TRPM3: variants seen among roughly 807,000 people sequenced by gnomAD.
TRPM3 encodes the protein transient receptor potential cation channel subfamily M member 3.
Under a neutral mutation model 181.2 loss-of-function variants are expected in TRPM3, and 77 were observed. The ratio of observed to expected loss-of-function variants is 0.42; its 90% CI spans 0.35 to 0.51. The LOEUF is 0.51. Ranked by LOEUF, TRPM3 falls within the 20% of genes least tolerant of loss-of-function variation. The pLI is 0.01. For missense variants in TRPM3, 1,759 were observed against 2,196.7 expected, an observed-to-expected ratio of 0.80 and a Z score of 3.98; for synonymous variants, 745 against 796.4, an observed-to-expected ratio of 0.94 and a Z score of 1.09.
chr9:70,828,737 T>C (rs1343148112), intron 5 of TRPM3, among the ~76,000 whole-genome samples: 1 of 144,062 alleles, frequency 6.9e-6, no homozygotes, highest in Non-Finnish European at 1.5e-5. Flanking sequence ...CAGCAATACC[T>C]ATTGCGAGCT....
chr9:71,428,238 C>A (rs1309794889), intron 1 of TRPM3, among the ~76,000 whole-genome samples: 1 of 151,400 alleles, frequency 6.6e-6, no homozygotes, highest in Non-Finnish European at 1.5e-5. Flanking sequence ...ATTACAGGCG[C>A]CCGCCACCAT....
chr9:71,136,374 G>A (rs1233820420), intron 1 of TRPM3, among the ~76,000 whole-genome samples: 2 of 152,182 alleles, frequency 1.3e-5, no homozygotes, highest in East Asian at 3.9e-4. Flanking sequence ...ATTCAGCTCT[G>A]ACATCAAACA....
intron 1 of TRPM3, among the ~76,000 whole-genome samples, chr9:71,075,373 G>A (rs2063317567): frequency 6.6e-6 from 1 of 152,128 alleles, no homozygotes; most frequent in Non-Finnish European, 1.5e-5. Flanking sequence ...ATTTTGTTCT[G>A]TGTTTAAGTA....
Position 71,133,578 on chromosome 9 carries a change from G to A in TRPM3, c.184-269067C>T, listed in dbSNP as rs182762700. Among the ~76,000 whole-genome samples, 902 of 152,202 alleles carry A rather than the reference G, an allele frequency of 5.9e-3. 11 individuals carry two copies. Among genetic ancestry groups the A allele is most frequent in the African/African-American group, 0.02 (851 of 41,532 alleles). ...CTCCCAAGGTGCTGGGTTTACAGGC[G>A]TGAGCCACTGCGCCCGGCTGCTTCT... On this transcript the variant is annotated intron_variant, in intron 1 of 24. Transcript: ENST00000357533.
rs201162468 is a variant in TRPM3 at position 70,625,500 on chromosome 9, G to A, written c.1650C>T (p.Phe550=). ...AATTCACCTTAAAATAGATCCAACCGAAACCTGGATACTCTCGCTTGGAAA... is the reference window on the plus strand; with the variant it reads ...AATTCACCTTAAAATAGATCCAACCAAAACCTGGATACTCTCGCTTGGAAA... ...RDVKKREYPG[F]GWIYFKGNLP... is the part of the protein sequence containing the mutation. Residue 550 remains phenylalanine (F), a synonymous_variant, in exon 13 of 26, where the codon TTC becomes TTT. Coordinates refer to ENST00000677713, the MANE Select transcript of TRPM3 (RefSeq NM_001366145.2). The surrounding 1 kb of genome is among the most constrained non-coding windows in gnomAD (Gnocchi z 4.8). The A allele has an allele frequency of 1.3e-5, 21 of 1,612,492 alleles. No individual in the cohort carries two copies. The African/African-American group carries it at 2.1e-4, about 16-fold the overall frequency.
At chr9:70,941,382 C>A (rs2096884213) in intron 1 of TRPM3, among the ~76,000 whole-genome samples, 1 of 152,130 alleles carries the variant, frequency 6.6e-6, no homozygotes, top group Non-Finnish European at 1.5e-5. Context: ...CAGTGATTTG[C>A]CAAGGGCTCT....
At chr9:70,785,415 G>T (rs1322252841) in intron 6 of TRPM3, among the ~76,000 whole-genome samples, 1 of 152,102 alleles carries the variant, frequency 6.6e-6, no homozygotes, top group African/African-American at 2.4e-5. Context: ...GTATCACATT[G>T]TATTTTTTCT....
At chr9:71,082,994 C>A (rs1246415085) in intron 1 of TRPM3, among the ~76,000 whole-genome samples, 1 of 151,852 alleles carries the variant, frequency 6.6e-6, no homozygotes, top group East Asian at 1.9e-4. Context: ...TAGCATGTCC[C>A]AAATAGAGAA....
chr9:71,078,968 C>A (rs2063834629), intron 1 of TRPM3, among the ~76,000 whole-genome samples: 1 of 152,132 alleles, frequency 6.6e-6, no homozygotes. Flanking sequence ...CTGGATGCAA[C>A]CTCAGAATCC....
chr9:71,018,639 C>T lies in TRPM3; in HGVS notation c.177+102539G>A, dbSNP rs948838403. Among the ~76,000 whole-genome samples the T allele has an allele frequency of 2.6e-5, 4 of 151,700 alleles. No homozygotes were observed. In the East Asian group the frequency reaches 7.7e-4, roughly 29 times the overall value. On this transcript the variant is annotated intron_variant, in intron 1 of 25. Coordinates refer to ENST00000677713, the MANE Select transcript of TRPM3 (RefSeq NM_001366145.2). ...AACAGTAAAGTATGAAAATCCTATA[C>T]CTTTTTAAGAAATTTCATCCATAAT... is the stretch of plus-strand genomic sequence containing the variant.
intron 1 of TRPM3, among the ~76,000 whole-genome samples, chr9:71,436,599 G>A (rs987039308): frequency 1.3e-5 from 2 of 151,948 alleles, no homozygotes; most frequent in African/African-American, 2.4e-5. Flanking sequence ...CACCACTCCC[G>A]GCCTAAACCT....
At chr9:70,698,207 CAAAAA>C (rs35974302) in intron 8 of TRPM3, among the ~76,000 whole-genome samples, 1 of 117,316 alleles carries the variant, frequency 8.5e-6, no homozygotes. Flanking sequence ...GACTCTGTCT[CAAAAA>C]AAAAAAAAAA....
intron 1 of TRPM3, among the ~76,000 whole-genome samples, chr9:71,209,906 A>G (rs7871074): frequency 0.15 from 23,096 of 152,230 alleles, 1,769 homozygotes; most frequent in South Asian, 0.21. Context: ...AGCAGAGACC[A>G]TATGGCACAC....
chr9:70,576,754 C>A (rs929995445), intron 22 of TRPM3, among the ~76,000 whole-genome samples: 6 of 152,076 alleles, frequency 3.9e-5, no homozygotes, highest in African/African-American at 1.4e-4. Context: ...ACCTCATGAT[C>A]CACCCACCTC....
upstream of TRPM3, among the ~76,000 whole-genome samples, chr9:71,125,547 T>C (rs1456586907): frequency 1.3e-5 from 2 of 152,182 alleles, no homozygotes; most frequent in South Asian, 4.1e-4. Flanking sequence ...TATGGCTGCA[T>C]AGTATTCCAT....
intron 1 of TRPM3, chr9:70,917,275 G>A (rs191884476): frequency 6.8e-7 from 1 of 1,467,782 alleles, no homozygotes; most frequent in African/African-American, 1.4e-5. Flanking sequence ...ATTCAGCATA[G>A]TCAATTAGGA....
intron 1 of TRPM3, among the ~76,000 whole-genome samples, chr9:71,358,508 G>A (rs754087838): frequency 6.6e-6 from 1 of 152,138 alleles, no homozygotes; most frequent in South Asian, 2.1e-4. Context: ...AAAATCTAGG[G>A]CTGCAAGCAT....
At position 70,886,705 on chromosome 9, in the gene TRPM3, C is replaced by T. The variant is rs184552912; in HGVS notation, c.178-22194G>A. Among the ~76,000 whole-genome samples, 175 of 151,850 alleles carry T rather than the reference C, an allele frequency of 1.2e-3. 1 individual carries two copies. The highest frequency in any genetic ancestry group is 4.1e-3 in the African/African-American group (170 of 41,348). ...TTGAGATGGAATTTCGCTCTTGTCGCCCAGGCTGGAGTGTAATGGCACAAT... is the reference window on the plus strand; with the variant it reads ...TTGAGATGGAATTTCGCTCTTGTCGTCCAGGCTGGAGTGTAATGGCACAAT... On this transcript the variant is annotated intron_variant, in intron 1 of 25. Coordinates refer to ENST00000677713, the MANE Select transcript of TRPM3 (RefSeq NM_001366145.2).
chr9:71,040,403 A>G (rs1283425882), intron 1 of TRPM3, among the ~76,000 whole-genome samples: 5 of 152,198 alleles, frequency 3.3e-5, no homozygotes. Flanking sequence ...GCCAGCCCCC[A>G]GGACATTAAC....
Sources: allele counts gnomAD v4.1 joint callset (sites outside exome capture counted in the v4.1 genomes callset), GRCh38; gene constraint gnomAD v4.1.1; non-coding constraint Gnocchi (gnomAD v3.1); transcripts MANE v1.5; gene names NCBI Gene and HGNC (gene_info 2026-07-23, HGNC 2026-07-21).